ABL1: variants seen among roughly 807,000 people sequenced by gnomAD.
ABL1 encodes tyrosine-protein kinase ABL1.
Under a neutral mutation model 94.7 loss-of-function variants are expected in ABL1, and 11 were observed. The ratio of observed to expected loss-of-function variants is 0.12; its 90% CI spans 0.07 to 0.19. The LOEUF (loss-of-function observed/expected upper bound fraction) is 0.19. Among genes scored for constraint, ABL1 ranks in the 10% least tolerant of loss-of-function variants. The pLI, the probability that ABL1 is intolerant of heterozygous loss-of-function variation, is 1.00. For missense variants in ABL1, 1,082 were observed against 1,489.4 expected, an observed-to-expected ratio of 0.73 and a Z score of 4.50; for synonymous variants, 656 against 622.4, an observed-to-expected ratio of 1.05 and a Z score of -0.80.
chr9:130,859,836 A>G (rs2132967204), intron 3 of ABL1, among the ~76,000 whole-genome samples: 1 of 151,876 alleles, frequency 6.6e-6, no homozygotes, highest in South Asian at 2.1e-4. Flanking sequence ...GCCCACCAGC[A>G]TGCCCGGCTA....
In ABL1 at chr9:130,863,074, G is replaced by A. The variant is rs375354296; in HGVS notation, c.822+39G>A. The A allele has an allele frequency of 3.0e-5, 46 of 1,546,068 alleles. No homozygotes were observed. In the African/African-American group the frequency reaches 6.0e-4, roughly 20 times the overall value. ...GCCGGGGGTGCCCAGGGTACGTGGG[G>A]CAAGGCGTCTGCTGGCATTAGGCGA... On this transcript the variant is annotated intron_variant, in intron 4 of 10. Transcript: ENST00000318560. This position sits in a 1 kb window ranked among gnomAD's most constrained non-coding sequence, Gnocchi z 4.3.
intron 1 of ABL1, 52 bp from the exon 2 acceptor site, chr9:130,854,012 T>C: frequency 6.5e-7 from 1 of 1,544,172 alleles, no homozygotes; most frequent in Non-Finnish European, 8.7e-7. Flanking sequence ...TAATTTTTTC[T>C]CCCAATTTTC....
chr9:130,867,116 C>A (rs1279815569), intron 4 of ABL1, among the ~76,000 whole-genome samples: 1 of 152,196 alleles, frequency 6.6e-6, no homozygotes, highest in Admixed American at 6.5e-5. Context: ...GACTCATGAG[C>A]TAACTGACAA....
At chr9:130,813,805 T>A (rs141698330) in intron 1 of ABL1, among the ~76,000 whole-genome samples, 208 of 152,316 alleles carry the variant, frequency 1.4e-3, no homozygotes, top group African/African-American at 4.6e-3. Context: ...ATAGTGCAGA[T>A]GGTCCCTGAC....
At chr9:130,713,239 G>A (rs1050027892) in exon 1 of ABL1, among the ~76,000 whole-genome samples, 1 of 152,160 alleles carries the variant, frequency 6.6e-6, no homozygotes, top group African/African-American at 2.4e-5. Context: ...CCGGGGCCGG[G>A]GGAGGGGGTG....
At chr9:130,771,279 C>G (rs1832248554) in intron 1 of ABL1, among the ~76,000 whole-genome samples, 1 of 148,618 alleles carries the variant, frequency 6.7e-6, no homozygotes. Context: ...GAGATGGGGC[C>G]TCACTATGTT....
intron 1 of ABL1, among the ~76,000 whole-genome samples, chr9:130,769,987 G>A (rs1455135280): frequency 6.6e-6 from 1 of 152,090 alleles, no homozygotes; most frequent in Admixed American, 6.6e-5. Context: ...TAATGGGTGA[G>A]GAGTCAACCA....
At chr9:130,768,560 G>A (rs1832212223) in intron 1 of ABL1, among the ~76,000 whole-genome samples, 1 of 152,186 alleles carries the variant, frequency 6.6e-6, no homozygotes, top group Non-Finnish European at 1.5e-5. Flanking sequence ...CACTGGTCTG[G>A]GGGATGTTGC....
At chr9:130,771,778 G>A (rs1211849920) in intron 1 of ABL1, among the ~76,000 whole-genome samples, 1 of 58,354 alleles carries the variant, frequency 1.7e-5, no homozygotes, top group Non-Finnish European at 3.6e-5. Flanking sequence ...TTTTGAGACA[G>A]AGTCTTACTC....
rs936039941 is a variant in ABL1, at chr9:130,863,186, C to T, written c.822+151C>T. On this transcript the variant is annotated intron_variant, in intron 4 of 10. Transcript: ENST00000318560. The surrounding 1 kb of genome is among the most constrained non-coding windows in gnomAD (Gnocchi z 4.3). ...TTGACTTTTCCGTCTTATATCATTC[C>T]TGTGTCTTTGTAGGAGTGGAATCAT... The T allele has an allele frequency of 1.1e-6, 1 of 922,678 alleles. No individual in the cohort carries two copies. The highest frequency in any genetic ancestry group is 1.6e-6 in the Non-Finnish European group (1 of 627,786). The allele number at this position is 922,678 out of a possible 1,614,324, so 57.2% of individuals were successfully genotyped here. A position where few individuals can be genotyped will look rare whatever the true frequency, so the allele number is the denominator to read the frequency against.
At chr9:130,760,827 T>C (rs902558193) in intron 1 of ABL1, among the ~76,000 whole-genome samples, 5 of 151,328 alleles carry the variant, frequency 3.3e-5, no homozygotes. Flanking sequence ...AACACCCAGC[T>C]AATTTTTGCA....
Position 130,863,432 on chromosome 9 carries a change from A to G in ABL1, c.822+397A>G, listed in dbSNP as rs980248369. Among the ~76,000 whole-genome samples the G allele has an allele frequency of 6.6e-6, 1 of 152,116 alleles. No individual in the cohort carries two copies. The highest frequency in any genetic ancestry group is 1.5e-5 in the Non-Finnish European group (1 of 68,022). ...GAGTTTTGAAAGAAGATTTAACCAA[A>G]ATGCATTTGACTCTTCTGTGGATTT... On this transcript the variant is annotated intron_variant, in intron 4 of 10. Coordinates refer to ENST00000318560, the MANE Select transcript of ABL1 (RefSeq NM_005157.6). The surrounding 1 kb of genome is among the most constrained non-coding windows in gnomAD (Gnocchi z 4.3).
At chr9:130,780,909 A>G (rs1213889345) in intron 1 of ABL1, among the ~76,000 whole-genome samples, 1 of 152,220 alleles carries the variant, frequency 6.6e-6, no homozygotes, top group Non-Finnish European at 1.5e-5. Context: ...ACCCTAATGA[A>G]ACTGAAAATG....
chr9:130,734,581 G>A (rs1831711027), intron 1 of ABL1, among the ~76,000 whole-genome samples: 1 of 149,748 alleles, frequency 6.7e-6, no homozygotes, highest in African/African-American at 2.5e-5. Flanking sequence ...GAGTGCACTG[G>A]CATGATCTTG....
chr9:130,818,436 C>G (rs1830317259), intron 1 of ABL1, among the ~76,000 whole-genome samples: 1 of 152,142 alleles, frequency 6.6e-6, no homozygotes. Context: ...TACTGCTGCA[C>G]TCCAGCCTGG....
chr9:130,823,805 G>C (rs1022593479), intron 1 of ABL1, among the ~76,000 whole-genome samples: 2 of 152,164 alleles, frequency 1.3e-5, no homozygotes, highest in African/African-American at 4.8e-5. Flanking sequence ...CTGCAACTGA[G>C]GGGTTAAGGC....
intron 1 of ABL1, among the ~76,000 whole-genome samples, chr9:130,735,867 C>G (rs1377722266): frequency 6.8e-6 from 1 of 147,958 alleles, no homozygotes; most frequent in Non-Finnish European, 1.5e-5. Context: ...TGGTAGATAG[C>G]TACCATTTTG....
chr9:130,748,523 C>T (rs919297651), intron 1 of ABL1, among the ~76,000 whole-genome samples: 7 of 152,044 alleles, frequency 4.6e-5, no homozygotes, highest in Admixed American at 1.3e-4. Context: ...AGTGATCCTC[C>T]CACCTCATCC....
intron 1 of ABL1, among the ~76,000 whole-genome samples, chr9:130,823,726 C>A (rs35543661): frequency 0.012 from 1,800 of 152,284 alleles, 42 homozygotes; most frequent in African/African-American, 0.037. Context: ...ATCACTTAGT[C>A]ATGTGGTAGT....
Sources: allele counts gnomAD v4.1 joint callset (sites outside exome capture counted in the v4.1 genomes callset), GRCh38; gene constraint gnomAD v4.1.1; non-coding constraint Gnocchi (gnomAD v3.1); transcripts MANE v1.5; gene names NCBI Gene and HGNC (gene_info 2026-07-23, HGNC 2026-07-21).